Variants in PDE10A observed in about 807,000 individuals in gnomAD.
PDE10A encodes phosphodiesterase 10A.
In PDE10A, 39 loss-of-function variants were observed where a neutral mutation model predicts 97.7. The ratio of observed to expected loss-of-function variants is 0.40; its 90% CI spans 0.31 to 0.52. The LOEUF (loss-of-function observed/expected upper bound fraction) is 0.52, where lower values mean the gene tolerates loss of function less well. PDE10A is among the 20% of genes least tolerant of loss of function. The pLI is 0.56. For synonymous variants in PDE10A, 371 were observed against 376.8 expected, an observed-to-expected ratio of 0.98 and a Z score of 0.18; for missense variants, 731 against 1,047.8, an observed-to-expected ratio of 0.70 and a Z score of 4.17.
chr6:165,516,376 CCTTAATTTATGAGTCATAGTATT>C (rs1781807176), intron 2 of PDE10A, among the ~76,000 whole-genome samples: 1 of 152,178 alleles, frequency 6.6e-6, no homozygotes, highest in Non-Finnish European at 1.5e-5. Flanking sequence ...TAAATCCCCT[CCTTAATTTATGAGTCATAGTATT>C]CTTAATATAT....
chr6:165,965,280 C>T (rs973230143), intron 1 of PDE10A, among the ~76,000 whole-genome samples: 1 of 151,900 alleles, frequency 6.6e-6, no homozygotes, highest in East Asian at 1.9e-4. Flanking sequence ...AAGTGATGGC[C>T]CCAAGTTTCC....
At chr6:165,654,191 C>T (rs753169344) in intron 1 of PDE10A, among the ~76,000 whole-genome samples, 1 of 152,232 alleles carries the variant, frequency 6.6e-6, no homozygotes, top group Non-Finnish European at 1.5e-5. Context: ...ACCGGTACTG[C>T]ATGTCTTCCT....
chr6:165,500,216 T>C (rs1211283585), intron 2 of PDE10A, among the ~76,000 whole-genome samples: 1 of 150,942 alleles, frequency 6.6e-6, no homozygotes, highest in African/African-American at 2.5e-5. Flanking sequence ...ATATAATAGA[T>C]ATTATTCTGT....
rs1583175985 is a variant in PDE10A at position 165,388,601 on chromosome 6, C to A, written c.2455-148G>T. On this transcript the variant is annotated intron_variant, in intron 16 of 21. Transcript: ENST00000539869. This position sits in a 1 kb window ranked among gnomAD's most constrained non-coding sequence, Gnocchi z 4.0. ...CATAAAGAATCCTATACAAATAGAG[C>A]AAACCCTTAGGAATCTTGGAAATTC... The A allele has an allele frequency of 1.5e-6, 1 of 682,064 alleles. No homozygotes were observed. Among genetic ancestry groups the A allele is most frequent in the East Asian group, 2.7e-5 (1 of 37,326 alleles). 42.3% of individuals were successfully genotyped at this position (682,064 alleles called of 1,614,324 possible). A position where few individuals can be genotyped will look rare whatever the true frequency, so the allele number is the denominator to read the frequency against.
chr6:165,493,386 C>CTAA (rs1297056049), intron 2 of PDE10A, among the ~76,000 whole-genome samples: 1 of 152,046 alleles, frequency 6.6e-6, no homozygotes, highest in Non-Finnish European at 1.5e-5. Flanking sequence ...CAAAGAAAGG[C>CTAA]TAAGCAAAAA....
chr6:165,435,801 C>T (rs1224611845), intron 5 of PDE10A, among the ~76,000 whole-genome samples: 2 of 152,176 alleles, frequency 1.3e-5, no homozygotes, highest in Non-Finnish European at 2.9e-5. Context: ...GATTTGGTTA[C>T]ATTTTTCATT....
intron 1 of PDE10A, among the ~76,000 whole-genome samples, chr6:165,958,763 A>AAG (rs1554231104): frequency 6.7e-6 from 1 of 149,646 alleles, no homozygotes; most frequent in Non-Finnish European, 1.5e-5. Context: ...GAAAGAAAGA[A>AAG]AGAAGAAAGC....
intron 3 of PDE10A, among the ~76,000 whole-genome samples, chr6:165,459,669 C>T (rs1778202293): frequency 6.6e-6 from 1 of 151,978 alleles, no homozygotes; most frequent in Non-Finnish European, 1.5e-5. Context: ...AATGCTAATC[C>T]TCATTGCCAG....
chr6:165,395,328 A>T (rs986921727), intron 14 of PDE10A, 64 bp from the exon 15 acceptor site: 1 of 1,153,788 alleles, frequency 8.7e-7, no homozygotes. Flanking sequence ...AAGTAAAGAA[A>T]AGCATTTAAC....
In PDE10A at chr6:165,661,821, G is replaced by T; in HGVS notation, c.865+126C>A. 1 of 552,562 alleles carries T rather than the reference G, an allele frequency of 1.8e-6. No individual in the cohort carries two copies. Among genetic ancestry groups the T allele is most frequent in the Non-Finnish European group, 3.3e-6 (1 of 301,622 alleles). The allele number at this position is 552,562 out of a possible 1,614,324, so 34.2% of individuals were successfully genotyped here. ...GCCCCTCCAGAGAAGCCCCCTGGGCGCTCCACGCCCGGGCACGGGCACCTC... is the reference window on the plus strand; with the variant it reads ...GCCCCTCCAGAGAAGCCCCCTGGGCTCTCCACGCCCGGGCACGGGCACCTC... On this transcript the variant is annotated intron_variant, in intron 1 of 21. Coordinates refer to ENST00000539869, the MANE Select transcript of PDE10A (RefSeq NM_001385079.1). This position sits in a 1 kb window ranked among gnomAD's most constrained non-coding sequence, Gnocchi z 4.8.
chr6:165,719,430 G>A (rs1396769685), intron 1 of PDE10A, among the ~76,000 whole-genome samples: 1 of 152,182 alleles, frequency 6.6e-6, no homozygotes, highest in East Asian at 1.9e-4. Context: ...TGGACAGTAG[G>A]ACACAGTGTA....
chr6:165,908,225 C>T (rs370844682), intron 1 of PDE10A, among the ~76,000 whole-genome samples: 6 of 152,316 alleles, frequency 3.9e-5, no homozygotes, highest in Admixed American at 1.3e-4. Flanking sequence ...TGTCCCTGTT[C>T]GCAGAGAGCC....
At chr6:165,794,247 C>T (rs143717269) in intron 1 of PDE10A, among the ~76,000 whole-genome samples, 1 of 150,332 alleles carries the variant, frequency 6.7e-6, no homozygotes. Context: ...ACACGCACAC[C>T]TGCTCACACT....
chr6:165,690,622 C>G (rs1791246101), intron 1 of PDE10A, among the ~76,000 whole-genome samples: 1 of 152,112 alleles, frequency 6.6e-6, no homozygotes, highest in Non-Finnish European at 1.5e-5. Flanking sequence ...CATGGGGCTT[C>G]CAGCCTCCTC....
intron 2 of PDE10A, among the ~76,000 whole-genome samples, chr6:165,515,950 G>A (rs1781779443): frequency 6.6e-6 from 1 of 152,092 alleles, no homozygotes; most frequent in African/African-American, 2.4e-5. Flanking sequence ...CCTATCAGAA[G>A]ATTCTCTGAT....
At chr6:165,966,971 T>C (rs1784528935) in intron 1 of PDE10A, among the ~76,000 whole-genome samples, 1 of 152,190 alleles carries the variant, frequency 6.6e-6, no homozygotes, top group Admixed American at 6.5e-5. Flanking sequence ...ATACACTATG[T>C]TGTTGCTATA....
At chr6:165,537,328 A>G (rs1311106807) in intron 2 of PDE10A, among the ~76,000 whole-genome samples, 4 of 152,030 alleles carry the variant, frequency 2.6e-5, no homozygotes, top group African/African-American at 9.7e-5. Flanking sequence ...AACAGGTACA[A>G]AATTACAGTT....
intron 1 of PDE10A, among the ~76,000 whole-genome samples, chr6:165,789,091 G>A (rs1424080629): frequency 6.6e-6 from 1 of 152,208 alleles, no homozygotes; most frequent in African/African-American, 2.4e-5. Flanking sequence ...ATGGCCATGT[G>A]GAAATGACCC....
chr6:165,621,884 T>C (rs1435239874), intron 1 of PDE10A, among the ~76,000 whole-genome samples: 1 of 152,190 alleles, frequency 6.6e-6, no homozygotes, highest in Admixed American at 6.5e-5. Context: ...TGGTTAACTC[T>C]ATAAGACAGC....
Sources: allele counts gnomAD v4.1 joint callset (sites outside exome capture counted in the v4.1 genomes callset), GRCh38; gene constraint gnomAD v4.1.1; non-coding constraint Gnocchi (gnomAD v3.1); transcripts MANE v1.5; gene names NCBI Gene and HGNC (gene_info 2026-07-23, HGNC 2026-07-21).